The following INSL6 variants were observed in gnomAD, a reference collection of about 807,000 sequenced individuals.
INSL6 encodes insulin-like peptide INSL6.
In INSL6, 16 loss-of-function variants were observed where a neutral mutation model predicts 9.4. The ratio of observed to expected loss-of-function variants is 1.70; its 90% CI spans 1.15 to 2.59. The LOEUF (loss-of-function observed/expected upper bound fraction) is 2.59, where lower values mean the gene tolerates loss of function less well. Ranked by LOEUF, INSL6 falls within the 30% of genes most tolerant of loss-of-function variation. The probability of loss-of-function intolerance (pLI) is 0.00; values close to 1 mark genes in which losing one functional copy is unlikely to be tolerated. For missense variants in INSL6, 391 were observed against 257.3 expected (o/e 1.52, Z -3.56); for synonymous variants, 154 against 96.9 (o/e 1.59, Z -3.46).
At chr9:5,113,920 C>A in the INSL6 span, 2 of 240,574 alleles carry the variant, frequency 8.3e-6, no homozygotes, top group South Asian at 5.1e-5. Flanking sequence ...TGGACACTTA[C>A]CCCCGACCAT....
At chr9:4,994,210 A>C in the INSL6 span, among the ~76,000 whole-genome samples, 1 of 152,192 alleles carries the variant, frequency 6.6e-6, no homozygotes, top group Non-Finnish European at 1.5e-5. Context: ...TGCCATAGGA[A>C]CTTCCTTATC....
chr9:5,164,966 G>A (rs1294853179), intron 1 of INSL6, among the ~76,000 whole-genome samples: 3 of 152,212 alleles, frequency 2.0e-5, no homozygotes, highest in African/African-American at 7.2e-5. Context: ...CCAGCACTCT[G>A]GGAGGCCGAG....
downstream of INSL6, among the ~76,000 whole-genome samples, chr9:5,121,065 G>A (rs1489410087): frequency 6.6e-6 from 1 of 152,150 alleles, no homozygotes; most frequent in Non-Finnish European, 1.5e-5. Context: ...GAATAAATCT[G>A]ATGAAGAGAC....
At chr9:5,004,863 G>A in the INSL6 span, among the ~76,000 whole-genome samples, 1 of 150,796 alleles carries the variant, frequency 6.6e-6, no homozygotes, top group East Asian at 1.9e-4. Context: ...GTTTTAATTT[G>A]CATTTAGTGA....
the INSL6 span, among the ~76,000 whole-genome samples, chr9:5,045,036 A>T: frequency 6.6e-6 from 1 of 152,218 alleles, no homozygotes; most frequent in Admixed American, 6.5e-5. Flanking sequence ...TTTGTTCACT[A>T]ATACAGTTAT....
downstream of INSL6, chr9:5,122,968 G>T (rs1189693702): frequency 7.4e-7 from 1 of 1,344,162 alleles, no homozygotes; most frequent in South Asian, 1.3e-5. Context: ...CACATATCAA[G>T]TAACTGTCTT....
At chr9:5,021,236 C>T in the INSL6 span, among the ~76,000 whole-genome samples, 1 of 152,180 alleles carries the variant, frequency 6.6e-6, no homozygotes, top group South Asian at 2.1e-4. Flanking sequence ...CGTGTTCTCT[C>T]TTAGATGACC....
At chr9:5,071,533 A>G in the INSL6 span, among the ~76,000 whole-genome samples, 2 of 152,216 alleles carry the variant, frequency 1.3e-5, no homozygotes, top group Admixed American at 1.3e-4. Flanking sequence ...AAAACAGAAT[A>G]TACAGGATGA....
intron 2 of INSL6, among the ~76,000 whole-genome samples, chr9:5,134,450 G>A (rs372363549): frequency 0.01 from 1,581 of 152,228 alleles, 19 homozygotes; most frequent in African/African-American, 0.036. Flanking sequence ...GAGAAAGGTC[G>A]GGTTACCCAC....
chr9:5,055,281 G>C, the INSL6 span, among the ~76,000 whole-genome samples: 2 of 151,976 alleles, frequency 1.3e-5, no homozygotes, highest in Non-Finnish European at 2.9e-5. Flanking sequence ...TTTTAGGTTT[G>C]CATTGCAAGT....
chr9:5,088,632 G>T, the INSL6 span, among the ~76,000 whole-genome samples: 3 of 152,150 alleles, frequency 2.0e-5, no homozygotes, highest in Non-Finnish European at 4.4e-5. Flanking sequence ...CATAGACTGG[G>T]TAGCTTAAAC....
chr9:5,055,911 C>T, the INSL6 span: 128 of 818,516 alleles, frequency 1.6e-4, no homozygotes, highest in Non-Finnish European at 2.3e-4. Flanking sequence ...AAATATAACT[C>T]TAAACATCAG....
chr9:5,086,209 G>T, the INSL6 span: 2 of 588,138 alleles, frequency 3.4e-6, no homozygotes, highest in Non-Finnish European at 4.4e-6. Flanking sequence ...CCCGCCACCA[G>T]CGCGAGGCCA....
At chr9:5,151,623 G>A (rs1824714119) in intron 2 of INSL6, among the ~76,000 whole-genome samples, 1 of 152,044 alleles carries the variant, frequency 6.6e-6, no homozygotes, top group Non-Finnish European at 1.5e-5. Context: ...TATTGTAAAT[G>A]CTGAAGCAAT....
chr9:5,103,221 C>CAAA, the INSL6 span, among the ~76,000 whole-genome samples: 23 of 6,868 alleles, frequency 3.3e-3, 4 homozygotes, highest in African/African-American at 4.1e-3. Flanking sequence ...AAAGGGAAAG[C>CAAA]AAAAAAAAAA....
chr9:5,176,988 G>A (rs1212533695), intron 1 of INSL6, among the ~76,000 whole-genome samples: 1 of 152,042 alleles, frequency 6.6e-6, no homozygotes, highest in Non-Finnish European at 1.5e-5. Context: ...TTTCCATAAA[G>A]AAAACTTTAA....
the INSL6 span, among the ~76,000 whole-genome samples, chr9:5,055,321 T>G: frequency 6.6e-6 from 1 of 152,062 alleles, no homozygotes; most frequent in African/African-American, 2.4e-5. Context: ...GTGTTGTTCA[T>G]AGATTGTTAC....
chr9:5,045,245 G>T, the INSL6 span, among the ~76,000 whole-genome samples: 1 of 152,116 alleles, frequency 6.6e-6, no homozygotes, highest in Non-Finnish European at 1.5e-5. Flanking sequence ...GGTATCAGGA[G>T]TTCTAAATCA....
chr9:4,996,928 C>CTTTTTT, the INSL6 span, among the ~76,000 whole-genome samples: 17 of 94,652 alleles, frequency 1.8e-4, no homozygotes, highest in Admixed American at 2.3e-4. Flanking sequence ...TTAGTTTGTT[C>CTTTTTT]TTTTTTTTTT....
Sources: gnomAD v4.1 joint callset for allele counts (sites outside exome capture counted in the v4.1 genomes callset) on GRCh38, gnomAD v4.1.1 for gene constraint, MANE v1.5 for transcripts, NCBI Gene and HGNC (gene_info 2026-07-23, HGNC 2026-07-21) for gene names.